Variants in MTOR observed in about 807,000 individuals in gnomAD.
The protein encoded by MTOR is mechanistic target of rapamycin kinase, also known as serine/threonine-protein kinase mTOR.
A neutral mutation model predicts 319.8 loss-of-function variants in MTOR; 70 were observed. That is an observed-to-expected ratio of 0.22 (90% CI 0.18 to 0.27). The LOEUF (loss-of-function observed/expected upper bound fraction) is 0.27. Ranked by LOEUF, MTOR falls within the 10% of genes least tolerant of loss-of-function variation. The pLI, the probability that MTOR is intolerant of heterozygous loss-of-function variation, is 1.00. For missense variants in MTOR, 1,890 were observed against 3,274.4 expected (o/e 0.58, Z 10.32); for synonymous variants, 1,183 against 1,211.4 (o/e 0.98, Z 0.49).
At chr1:11,169,461 G>A (rs1313203135) in intron 28 of MTOR, among the ~76,000 whole-genome samples, 1 of 152,200 alleles carries the variant, frequency 6.6e-6, no homozygotes, top group African/African-American at 2.4e-5. Flanking sequence ...AAAGTTGGGG[G>A]TGAAACAGCC....
At chr1:11,108,821 C>G (rs924290215) in intron 56 of MTOR, among the ~76,000 whole-genome samples, 26 of 151,622 alleles carry the variant, frequency 1.7e-4, no homozygotes, top group Admixed American at 1.4e-3. Flanking sequence ...ATGGTGAAAC[C>G]CCATCTCTAC....
Position 11,128,521 on chromosome 1 carries a change from G to C in MTOR, c.5843C>G (p.Thr1948Arg). Reference protein sequence around the residue: ...VIPQLIARIDTPRPLVGRLIH... With the variant: ...VIPQLIARIDRPRPLVGRLIH... Reference sequence around the variant, plus strand: ...GAGACGTCCCACCAAGGGTCTGGGCGTATCAATTCTTGCAATGAGCTGAGG... The same window carrying C: ...GAGACGTCCCACCAAGGGTCTGGGCCTATCAATTCTTGCAATGAGCTGAGG... The change falls in exon 42 of 58, where the codon ACG (threonine) becomes AGG (arginine). Residue 1948 changes from threonine to arginine, a missense_variant. By Grantham distance (71) the Thr-to-Arg change is moderately conservative. Coordinates refer to ENST00000361445, the MANE Select transcript of MTOR (RefSeq NM_004958.4). The surrounding 1 kb of genome is among the most constrained non-coding windows in gnomAD (Gnocchi z 5.3). The C allele has an allele frequency of 6.2e-7, 1 of 1,614,184 alleles. No individual in the cohort carries two copies. Among genetic ancestry groups the C allele is most frequent in the Non-Finnish European group, 8.5e-7 (1 of 1,180,028 alleles).
intron 6 of MTOR, 65 bp downstream of exon 6, chr1:11,253,774 C>T (rs916920416): frequency 3.9e-5 from 62 of 1,589,372 alleles, no homozygotes; most frequent in Non-Finnish European, 4.6e-5. Flanking sequence ...ACATGGATCT[C>T]GCCTTGCCTC....
chr1:11,172,958 C>G (rs1644869152), intron 28 of MTOR, among the ~76,000 whole-genome samples: 1 of 151,128 alleles, frequency 6.6e-6, no homozygotes, highest in African/African-American at 2.4e-5. Flanking sequence ...ATTTGAGAAC[C>G]TGAAGGTAAG....
At chr1:11,252,680 C>G (rs925963113) in intron 6 of MTOR, among the ~76,000 whole-genome samples, 1 of 152,336 alleles carries the variant, frequency 6.6e-6, no homozygotes, top group African/African-American at 2.4e-5. Context: ...CACATCTGGG[C>G]ATGGCTATTA....
chr1:11,171,530 C>A (rs1379059092), intron 28 of MTOR, among the ~76,000 whole-genome samples: 1 of 152,006 alleles, frequency 6.6e-6, no homozygotes, highest in Non-Finnish European at 1.5e-5. Flanking sequence ...AAATACAAGT[C>A]TTTTCCTAAT....
At chr1:11,138,115 T>C (rs1380886273) in intron 36 of MTOR, among the ~76,000 whole-genome samples, 1 of 152,138 alleles carries the variant, frequency 6.6e-6, no homozygotes, top group Non-Finnish European at 1.5e-5. Flanking sequence ...ACTCCTTGCT[T>C]GAGATATTAC....
intron 19 of MTOR, 74 bp downstream of exon 19, chr1:11,228,594 A>G: frequency 1.9e-6 from 3 of 1,557,298 alleles, no homozygotes; most frequent in Non-Finnish European, 2.6e-6. Flanking sequence ...ACAATTAAGA[A>G]GCTGAAGCAC....
chr1:11,183,291 T>C (rs1368167058), intron 28 of MTOR, among the ~76,000 whole-genome samples: 4 of 152,176 alleles, frequency 2.6e-5, no homozygotes, highest in African/African-American at 9.7e-5. Context: ...TCACATCTTT[T>C]GTCAATATTT....
At chr1:11,164,332 C>CT (rs1447703147) in intron 29 of MTOR, among the ~76,000 whole-genome samples, 2 of 116,978 alleles carry the variant, frequency 1.7e-5, no homozygotes, top group African/African-American at 3.5e-5. Flanking sequence ...AAGACTCTGC[C>CT]TGAAAAAAAA....
At chr1:11,255,891 G>A in intron 5 of MTOR, 101 bp downstream of exon 5, 1 of 1,016,112 alleles carries the variant, frequency 9.8e-7, no homozygotes, top group Non-Finnish European at 1.4e-6. Context: ...ACCAAAACGT[G>A]ATTCTTGCTC....
chr1:11,135,845 A>G (rs879387696), intron 36 of MTOR, among the ~76,000 whole-genome samples: 6 of 150,658 alleles, frequency 4.0e-5, no homozygotes, highest in Non-Finnish European at 8.9e-5. Context: ...AAAAAAGAAA[A>G]GAAAAAAGGC....
intron 28 of MTOR, among the ~76,000 whole-genome samples, chr1:11,193,228 G>A (rs1645620000): frequency 6.6e-6 from 1 of 151,270 alleles, no homozygotes; most frequent in Non-Finnish European, 1.5e-5. Flanking sequence ...GAGAATCACT[G>A]GAACTCAGGA....
intron 19 of MTOR, among the ~76,000 whole-genome samples, chr1:11,219,289 G>C (rs1646580536): frequency 6.6e-6 from 1 of 151,336 alleles, no homozygotes; most frequent in East Asian, 1.9e-4. Flanking sequence ...GAAATGGTGA[G>C]TTAAAAAAAA....
chr1:11,216,293 T>TA, intron 19 of MTOR, 59 bp from the exon 20 acceptor site: 1 of 1,294,258 alleles, frequency 7.7e-7, no homozygotes, highest in Non-Finnish European at 1.1e-6. Flanking sequence ...CCCCCAGGCT[T>TA]ACCTTAAGCT....
chr1:11,189,986 G>A (rs1256912078), intron 28 of MTOR: 2 of 1,573,782 alleles, frequency 1.3e-6, no homozygotes, highest in East Asian at 4.5e-5. Flanking sequence ...AGGGAGCGTG[G>A]AGTGCCTCCC....
At chr1:11,221,174 T>C (rs1451618638) in intron 19 of MTOR, among the ~76,000 whole-genome samples, 1 of 152,036 alleles carries the variant, frequency 6.6e-6, no homozygotes, top group Admixed American at 6.6e-5. Context: ...TTTGTATTTT[T>C]AGTAGAGACG....
intron 53 of MTOR, 82 bp downstream of exon 53, chr1:11,114,236 T>G (rs1214106034): frequency 1.3e-6 from 2 of 1,558,836 alleles, no homozygotes; most frequent in Non-Finnish European, 1.7e-6. Flanking sequence ...CTCAAGCAAC[T>G]CCTCTGCCTT....
chr1:11,202,432 A>AC (rs1451609247), intron 26 of MTOR, among the ~76,000 whole-genome samples: 1 of 151,208 alleles, frequency 6.6e-6, no homozygotes, highest in Non-Finnish European at 1.5e-5. Context: ...AAAAAAAAAA[A>AC]AAAAAAAAAG....
Sources: allele counts gnomAD v4.1 joint callset (sites outside exome capture counted in the v4.1 genomes callset), GRCh38; gene constraint gnomAD v4.1.1; non-coding constraint Gnocchi (gnomAD v3.1); transcripts MANE v1.5; gene names NCBI Gene and HGNC (gene_info 2026-07-23, HGNC 2026-07-21).